The following SWI5 variants were observed in gnomAD, a reference collection of about 807,000 sequenced individuals.
SWI5 encodes DNA repair protein SWI5 homolog.
Under a neutral mutation model 17.0 loss-of-function variants are expected in SWI5, and 12 were observed. The ratio of observed to expected loss-of-function variants is 0.71; its 90% confidence interval spans 0.45 to 1.14. The LOEUF is 1.14. Among genes scored for constraint, SWI5 ranks in the 50% most tolerant of loss-of-function variants. The pLI, the probability that SWI5 is intolerant of heterozygous loss-of-function variation, is 0.00. For missense variants in SWI5, 158 were observed against 162.2 expected (o/e 0.97, Z 0.14); for synonymous variants, 61 against 64.0 (o/e 0.95, Z 0.22).
intron 3 of SWI5, 40 bp downstream of exon 3, chr9:128,284,671 T>C (rs1023704798): frequency 1.2e-6 from 2 of 1,605,062 alleles, no homozygotes; most frequent in African/African-American, 1.3e-5. Context: ...TAAGATAACT[T>C]TGGGCTAGGC....
intron 2 of SWI5, among the ~76,000 whole-genome samples, chr9:128,277,299 C>G (rs375878013): frequency 6.6e-6 from 1 of 152,148 alleles, no homozygotes; most frequent in East Asian, 1.9e-4. Flanking sequence ...CACCTGTAAT[C>G]CCAGCACTTT....
At chr9:128,282,480 CAG>C (rs1169295410) in intron 2 of SWI5, among the ~76,000 whole-genome samples, 39 of 152,250 alleles carry the variant, frequency 2.6e-4, no homozygotes, top group Non-Finnish European at 3.2e-4. Context: ...ACAGGGCTGT[CAG>C]AGAGGGCCTT....
chr9:128,280,587 G>A lies in SWI5; in HGVS notation c.111+3832G>A, dbSNP rs137934131. 1.8e-3 allele frequency among the ~76,000 whole-genome samples: 278 copies of A among 150,698 alleles called. 1 individual carries two copies. Among genetic ancestry groups the A allele is most frequent in the African/African-American group, 6.3e-3 (260 of 41,010 alleles). The stretch of plus-strand genomic sequence containing the variant: ...TGCTGGAGTACAGTGGTGCAATCTC[G>A]GCTCACTGCAACCGCTGCCTCCAGG... On this transcript the variant is annotated intron_variant, in intron 2 of 4. Transcript: ENST00000418976.
intron 2 of SWI5, among the ~76,000 whole-genome samples, chr9:128,284,265 G>A (rs1831593068): frequency 6.7e-6 from 1 of 148,650 alleles, no homozygotes; most frequent in Non-Finnish European, 1.5e-5. Flanking sequence ...CTCCAGTCTG[G>A]GCAACAGAGC....
chr9:128,286,080 C>T (rs559697777), intron 4 of SWI5, 47 bp downstream of exon 4: 23 of 1,429,158 alleles, frequency 1.6e-5, no homozygotes, highest in Admixed American at 6.7e-5. Context: ...CATAGGGTGT[C>T]GTCTCGCCTA....
At chr9:128,283,405 G>T (rs962511461) in intron 2 of SWI5, among the ~76,000 whole-genome samples, 1 of 152,244 alleles carries the variant, frequency 6.6e-6, no homozygotes, top group Non-Finnish European at 1.5e-5. Context: ...GCTGAGGCAG[G>T]AGAATTACTT....
At chr9:128,276,080 G>C, upstream of SWI5, 2 of 1,572,628 alleles carry the variant, frequency 1.3e-6, no homozygotes, top group Non-Finnish European at 1.7e-6. Flanking sequence ...CGCAGAATGG[G>C]GGCGTGGCCT....
chr9:128,281,396 C>T (rs929424841), intron 2 of SWI5, among the ~76,000 whole-genome samples: 4 of 152,056 alleles, frequency 2.6e-5, no homozygotes, highest in Non-Finnish European at 5.9e-5. Flanking sequence ...AGAGGGCCAA[C>T]TCTTTTGTCC....
chr9:128,281,500 T>C (rs1288157199), intron 2 of SWI5, among the ~76,000 whole-genome samples: 1 of 152,206 alleles, frequency 6.6e-6, no homozygotes, highest in Non-Finnish European at 1.5e-5. Context: ...TTATCCCCAC[T>C]TCTGGGTCAG....
intron 2 of SWI5, 98 bp downstream of exon 2, chr9:128,276,853 T>G: frequency 2.3e-6 from 3 of 1,303,848 alleles, no homozygotes; most frequent in Non-Finnish European, 3.2e-6. Context: ...AATCCCCGCT[T>G]GGCCCTCTTC....
chr9:128,287,141 CA>C (rs35520517), intron 4 of SWI5, among the ~76,000 whole-genome samples: 15,508 of 50,332 alleles, frequency 0.31, 1,300 homozygotes, highest in African/African-American at 0.5. Context: ...AACTCCATCT[CA>C]AAAAAAAAAA....
At chr9:128,276,541 G>C in intron 1 of SWI5, 139 bp downstream of exon 1, 2 of 1,572,436 alleles carry the variant, frequency 1.3e-6, no homozygotes, top group Admixed American at 3.6e-5. Context: ...CCCCTTCCTA[G>C]AGGGTCTCTA....
chr9:128,275,486 G>A, upstream of SWI5: 1 of 1,305,202 alleles, frequency 7.7e-7, no homozygotes, highest in Non-Finnish European at 9.8e-7. Context: ...TCCGGTTTGG[G>A]GCGGCAGGAG....
At chr9:128,277,931 G>A (rs1377128376) in intron 2 of SWI5, among the ~76,000 whole-genome samples, 1 of 149,386 alleles carries the variant, frequency 6.7e-6, no homozygotes. Context: ...TCTCATTCAT[G>A]CTAATTCATT....
chr9:128,287,526 G>C lies in SWI5; in HGVS notation c.329-1126G>C, dbSNP rs557115907. ...ATCAGCATGAGGCCTGTCACTTCCAGGTCATATGACCTGGAGCCAGTGGCC... is the reference window on the plus strand; with the variant it reads ...ATCAGCATGAGGCCTGTCACTTCCACGTCATATGACCTGGAGCCAGTGGCC... On this transcript the variant is annotated intron_variant, in intron 4 of 4. Transcript: ENST00000418976. Among the ~76,000 whole-genome samples, 14 of 148,578 alleles carry C rather than the reference G, an allele frequency of 9.4e-5. No homozygotes were observed. The East Asian group carries it at 2.7e-3, about 29-fold the overall frequency.
At chr9:128,287,557 CTTT>C (rs754816266) in intron 4 of SWI5, among the ~76,000 whole-genome samples, 23 of 123,016 alleles carry the variant, frequency 1.9e-4, no homozygotes, top group African/African-American at 7.2e-4. Context: ...TGGCCTATCC[CTTT>C]TTTTTTTTTT....
intron 2 of SWI5, among the ~76,000 whole-genome samples, chr9:128,278,985 G>A (rs1191166064): frequency 1.3e-5 from 2 of 151,966 alleles, no homozygotes; most frequent in African/African-American, 4.8e-5. Flanking sequence ...TGGCCAGGCT[G>A]GTCTCAAACT....
At chr9:128,282,201 AC>A (rs1831550931) in intron 2 of SWI5, among the ~76,000 whole-genome samples, 1 of 152,208 alleles carries the variant, frequency 6.6e-6, no homozygotes, top group Non-Finnish European at 1.5e-5. Flanking sequence ...AGCCTGACCA[AC>A]ATGGTGAAAC....
At chr9:128,279,946 C>T (rs1254746279) in intron 2 of SWI5, among the ~76,000 whole-genome samples, 2 of 152,150 alleles carry the variant, frequency 1.3e-5, no homozygotes, top group Non-Finnish European at 2.9e-5. Flanking sequence ...TCACAATGTT[C>T]CTTCAGCACC....
Sources: gnomAD v4.1 joint callset for allele counts (sites outside exome capture counted in the v4.1 genomes callset) on GRCh38, gnomAD v4.1.1 for gene constraint, MANE v1.5 for transcripts, NCBI Gene and HGNC (gene_info 2026-07-23, HGNC 2026-07-21) for gene names.